SOX5: variants seen among roughly 807,000 people sequenced by gnomAD.
SOX5 encodes transcription factor SOX-5.
Under a neutral mutation model 92.0 loss-of-function variants are expected in SOX5, and 9 were observed. The ratio of observed to expected loss-of-function variants is 0.10; its 90% CI spans 0.06 to 0.17. The LOEUF (loss-of-function observed/expected upper bound fraction) is 0.17. SOX5 is among the 10% of genes least tolerant of loss of function. The pLI, the probability that SOX5 is intolerant of heterozygous loss-of-function variation, is 1.00. For synonymous variants in SOX5, 344 were observed against 336.3 expected, an observed-to-expected ratio of 1.02 and a Z score of -0.25; for missense variants, 642 against 944.5, an observed-to-expected ratio of 0.68 and a Z score of 4.20.
intron 4 of SOX5, among the ~76,000 whole-genome samples, chr12:23,752,616 C>T (rs370542305): frequency 6.6e-6 from 1 of 151,688 alleles, no homozygotes; most frequent in Non-Finnish European, 1.5e-5. Flanking sequence ...GGTTGCCAGC[C>T]GGAGTAAAGG....
At chr12:24,345,673 T>C (rs1003367546) in intron 2 of SOX5, among the ~76,000 whole-genome samples, 3 of 152,236 alleles carry the variant, frequency 2.0e-5, no homozygotes, top group African/African-American at 7.2e-5. Context: ...GAAAGAATTA[T>C]GATGATTGCA....
chr12:23,639,231 A>G (rs750157178), intron 8 of SOX5, among the ~76,000 whole-genome samples: 2 of 152,184 alleles, frequency 1.3e-5, no homozygotes, highest in Non-Finnish European at 2.9e-5. Context: ...AATCTCATAT[A>G]GTATAAAAAT....
At chr12:23,762,915 T>C (rs1483372399) in intron 3 of SOX5, among the ~76,000 whole-genome samples, 1 of 152,204 alleles carries the variant, frequency 6.6e-6, no homozygotes, top group Non-Finnish European at 1.5e-5. Context: ...TCATATGTGA[T>C]AGAAAATCAT....
chr12:23,796,698 A>G (rs926348895), intron 3 of SOX5, among the ~76,000 whole-genome samples: 6 of 151,838 alleles, frequency 4.0e-5, no homozygotes, highest in Admixed American at 3.9e-4. Flanking sequence ...GGGTTTTACA[A>G]TTCTAATGCA....
intron 2 of SOX5, among the ~76,000 whole-genome samples, chr12:24,354,813 C>T (rs932417435): frequency 5.3e-5 from 8 of 152,016 alleles, no homozygotes; most frequent in East Asian, 3.9e-4. Context: ...ATCTAAAGGG[C>T]GGAGCAGTAC....
At chr12:23,902,671 G>A (rs1408686574) in intron 1 of SOX5, among the ~76,000 whole-genome samples, 3 of 152,058 alleles carry the variant, frequency 2.0e-5, no homozygotes, top group Non-Finnish European at 4.4e-5. Context: ...TTCAGTTCCT[G>A]TATCATGTAG....
At chr12:24,078,704 T>A (rs1188027812) in intron 4 of SOX5, among the ~76,000 whole-genome samples, 1 of 152,062 alleles carries the variant, frequency 6.6e-6, no homozygotes, top group Non-Finnish European at 1.5e-5. Flanking sequence ...GTAAAGGCAC[T>A]GATATTTGAG....
At chr12:23,970,841 A>ATATATATATATATATTTTTTTTTTTTTTT in intron 4 of SOX5, among the ~76,000 whole-genome samples, 3 of 21,882 alleles carry the variant, frequency 1.4e-4, no homozygotes, top group Non-Finnish European at 3.1e-4. Context: ...TATATATATA[A>ATATATATATATATATTTTTTTTTTTTTTT]TTTTTTTTTT....
At chr12:23,541,120 T>TAATC (rs1395964798) in intron 13 of SOX5, among the ~76,000 whole-genome samples, 1 of 152,198 alleles carries the variant, frequency 6.6e-6, no homozygotes, top group African/African-American at 2.4e-5. Flanking sequence ...TATTATAATA[T>TAATC]AATCATATGG....
At chr12:24,516,502 G>A (rs1056049620) in intron 1 of SOX5, among the ~76,000 whole-genome samples, 1 of 152,226 alleles carries the variant, frequency 6.6e-6, no homozygotes, top group Non-Finnish European at 1.5e-5. Flanking sequence ...GAATAAACGA[G>A]TTAATGACCC....
At chr12:24,052,147 C>T (rs982064850) in intron 4 of SOX5, among the ~76,000 whole-genome samples, 2 of 152,154 alleles carry the variant, frequency 1.3e-5, no homozygotes, top group African/African-American at 2.4e-5. Flanking sequence ...GCTCCTTAAA[C>T]ACAGGAGATC....
intron 3 of SOX5, among the ~76,000 whole-genome samples, chr12:23,832,181 C>A (rs2096337192): frequency 1.3e-5 from 2 of 151,956 alleles, no homozygotes; most frequent in Admixed American, 1.3e-4. Context: ...AATGTTAAAA[C>A]TGCCCCTCCT....
intron 4 of SOX5, among the ~76,000 whole-genome samples, chr12:23,742,268 G>A (rs2093823615): frequency 6.6e-6 from 1 of 152,098 alleles, no homozygotes; most frequent in African/African-American, 2.4e-5. Context: ...ATAGAAAGAA[G>A]GGTTCTAACA....
chr12:24,061,063 A>G (rs1395737523), intron 4 of SOX5, among the ~76,000 whole-genome samples: 1 of 152,148 alleles, frequency 6.6e-6, no homozygotes, highest in Non-Finnish European at 1.5e-5. Context: ...GAAGAGCTCA[A>G]GGTAATACCT....
intron 3 of SOX5, among the ~76,000 whole-genome samples, chr12:24,276,051 A>G (rs1944395890): frequency 6.6e-6 from 1 of 152,096 alleles, no homozygotes; most frequent in South Asian, 2.1e-4. Context: ...AATGTTTGCC[A>G]TATTTATTAG....
At chr12:24,544,867 CA>C (rs1412227072) in intron 1 of SOX5, among the ~76,000 whole-genome samples, 2 of 152,162 alleles carry the variant, frequency 1.3e-5, no homozygotes, top group East Asian at 3.9e-4. Flanking sequence ...GAAGTGGGTG[CA>C]AAAAGAAGAA....
chr12:24,447,828 C>T lies in SOX5; in HGVS notation c.-250-79189G>A, dbSNP rs75102344. ...ACCTCTACTCAGTCTCATTGGAGCA[C>T]GCCCACAACACTGTGGGAAACCCAA... is the stretch of plus-strand genomic sequence containing the variant. On this transcript the variant is annotated intron_variant, in intron 1 of 4. Coordinates refer to the SOX5 transcript ENST00000446891. 5.8e-3 allele frequency among the ~76,000 whole-genome samples: 884 copies of T among 152,272 alleles called. 7 individuals are homozygous for T. Among genetic ancestry groups the T allele is most frequent in the African/African-American group, 0.02 (842 of 41,558 alleles).
chr12:23,792,148 T>G (rs1393423477), intron 3 of SOX5, among the ~76,000 whole-genome samples: 1 of 151,934 alleles, frequency 6.6e-6, no homozygotes, highest in African/African-American at 2.4e-5. Context: ...TAGAAAAACT[T>G]TATTGTAAAG....
chr12:24,284,428 T>TG (rs1272512483), intron 2 of SOX5, among the ~76,000 whole-genome samples: 1 of 77,140 alleles, frequency 1.3e-5, no homozygotes, highest in Non-Finnish European at 2.9e-5. Flanking sequence ...CACGTTTTTT[T>TG]TCTTTGTGTG....
Sources: gnomAD v4.1 joint callset for allele counts (sites outside exome capture counted in the v4.1 genomes callset) on GRCh38, gnomAD v4.1.1 for gene constraint, MANE v1.5 for transcripts, NCBI Gene and HGNC (gene_info 2026-07-23, HGNC 2026-07-21) for gene names.